Variants in IRAK2 observed in about 807,000 individuals in gnomAD.
The protein encoded by IRAK2 is interleukin 1 receptor associated kinase 2, also known as interleukin-1 receptor-associated kinase-like 2.
A neutral mutation model predicts 72.0 loss-of-function variants in IRAK2; 57 were observed. That is an observed-to-expected ratio of 0.79 (90% CI 0.64 to 0.99). The LOEUF (loss-of-function observed/expected upper bound fraction) is 0.99, where lower values mean the gene tolerates loss of function less well. IRAK2 is among the 50% of genes least tolerant of loss of function. IRAK2 has a pLI of 0.00. For synonymous variants in IRAK2, 293 were observed against 312.7 expected (o/e 0.94, Z 0.67); for missense variants, 790 against 794.4 (o/e 0.99, Z 0.07).
rs752661261 is a variant in IRAK2, at chr3:10,238,987, G to A, written c.1713G>A (p.Arg571=). 16 of 1,613,668 alleles carry A rather than the reference G, an allele frequency of 9.9e-6. No homozygotes were observed. The South Asian group carries it at 1.8e-4, about 18-fold the overall frequency. Reference sequence around the variant, plus strand: ...GAAGGCTGCGGGTCATCGTGGGAAGGGAGGCTGACTCCTCCTCTGAGGCCT... The same window carrying A: ...GAAGGCTGCGGGTCATCGTGGGAAGAGAGGCTGACTCCTCCTCTGAGGCCT... ...GEGRLRVIVG[R]EADSSSEACV... The change falls in exon 12 of 13, where the codon AGG becomes AGA. Residue 571 remains arginine (R), a synonymous_variant. Coordinates refer to ENST00000256458, the MANE Select transcript of IRAK2 (RefSeq NM_001570.4).
At chr3:10,170,242 C>T (rs1696774090) in intron 1 of IRAK2, among the ~76,000 whole-genome samples, 1 of 152,212 alleles carries the variant, frequency 6.6e-6, no homozygotes, top group African/African-American at 2.4e-5. Flanking sequence ...ACCATCACCT[C>T]ATCTCTGAAT....
intron 1 of IRAK2, among the ~76,000 whole-genome samples, chr3:10,173,744 G>A (rs902718140): frequency 9.2e-5 from 14 of 152,140 alleles, no homozygotes; most frequent in Non-Finnish European, 2.1e-4. Flanking sequence ...AGAATTGCTT[G>A]AACCTGGGAG....
chr3:10,226,442 A>T lies in IRAK2; in HGVS notation c.1272+9A>T, dbSNP rs773225225. 2.5e-6 allele frequency: 4 copies of T among 1,611,554 alleles called. No homozygotes were observed. In the East Asian group the frequency reaches 6.7e-5, roughly 27 times the overall value. ...GAAGCCCGGTTTACCTGGTAAGGGA[A>T]CTTGTCACATCTGGCTGGGAGGTAT... On this transcript the variant is annotated intron_variant, in intron 10 of 12. Transcript: ENST00000256458.
chr3:10,226,476 C>T, intron 10 of IRAK2, 43 bp downstream of exon 10: 1 of 1,530,048 alleles, frequency 6.5e-7, no homozygotes, highest in Non-Finnish European at 9.0e-7. Flanking sequence ...ATATTTGGGC[C>T]TCACAGCTCT....
chr3:10,187,933 C>T (rs948825814), intron 2 of IRAK2, among the ~76,000 whole-genome samples: 1 of 152,088 alleles, frequency 6.6e-6, no homozygotes, highest in Non-Finnish European at 1.5e-5. Context: ...GGCTAGGGTC[C>T]GCCATCACCC....
At chr3:10,217,163 G>A (rs1575980374) in intron 7 of IRAK2, 115 bp downstream of exon 7, 1 of 725,236 alleles carries the variant, frequency 1.4e-6, no homozygotes, top group East Asian at 2.5e-5. Context: ...GTGAGACCAG[G>A]GAGACTTCAA....
At chr3:10,228,995 G>A (rs942739807) in intron 10 of IRAK2, among the ~76,000 whole-genome samples, 3 of 151,294 alleles carry the variant, frequency 2.0e-5, no homozygotes, top group South Asian at 4.2e-4. Flanking sequence ...TGCAGTGGGC[G>A]TGATCTTGGC....
intron 10 of IRAK2, among the ~76,000 whole-genome samples, chr3:10,230,555 C>T (rs536473728): frequency 6.6e-6 from 1 of 152,028 alleles, no homozygotes; most frequent in Non-Finnish European, 1.5e-5. Flanking sequence ...ACATAATAAA[C>T]AATATATGTT....
At chr3:10,168,014 C>G (rs1696723409) in intron 1 of IRAK2, among the ~76,000 whole-genome samples, 1 of 152,068 alleles carries the variant, frequency 6.6e-6, no homozygotes, top group Non-Finnish European at 1.5e-5. Context: ...TCAGGCTGAT[C>G]TTGAACTCTG....
chr3:10,236,099 C>T (rs1475708865), intron 11 of IRAK2, among the ~76,000 whole-genome samples: 1 of 152,046 alleles, frequency 6.6e-6, no homozygotes, highest in African/African-American at 2.4e-5. Context: ...AGGACCCCAC[C>T]CTGTTGACCT....
At chr3:10,167,903 C>T (rs1310519977) in intron 1 of IRAK2, among the ~76,000 whole-genome samples, 3 of 152,186 alleles carry the variant, frequency 2.0e-5, no homozygotes, top group African/African-American at 7.2e-5. Context: ...TTCCTGGGCT[C>T]AAGCGATCTT....
intron 1 of IRAK2, among the ~76,000 whole-genome samples, chr3:10,173,863 T>G (rs1390181367): frequency 2.0e-5 from 3 of 152,098 alleles, no homozygotes; most frequent in Non-Finnish European, 4.4e-5. Context: ...TCTGGTTAAA[T>G]GCTGATTGGT....
Position 10,206,186 on chromosome 3 carries a change from G to A in IRAK2, c.425-3403G>A, listed in dbSNP as rs574884207. Among the ~76,000 whole-genome samples, 7 of 152,276 alleles carry A rather than the reference G, an allele frequency of 4.6e-5. No homozygotes were observed. In the East Asian group the frequency reaches 7.7e-4, roughly 17 times the overall value. ...GGTGGGCACTTGCTGGCCTGCCTTC[G>A]GTCTAAGGCAGACTCTCCAGGGTGT... On this transcript the variant is annotated intron_variant, in intron 3 of 12. Coordinates refer to ENST00000256458, the MANE Select transcript of IRAK2 (RefSeq NM_001570.4).
At chr3:10,204,908 A>G (rs1277128334) in intron 3 of IRAK2, among the ~76,000 whole-genome samples, 1 of 152,092 alleles carries the variant, frequency 6.6e-6, no homozygotes, top group Non-Finnish European at 1.5e-5. Flanking sequence ...GATTATGTAG[A>G]AGCCCCAAGC....
intron 2 of IRAK2, among the ~76,000 whole-genome samples, chr3:10,182,702 G>T (rs559245733): frequency 6.6e-6 from 1 of 151,600 alleles, no homozygotes; most frequent in African/African-American, 2.4e-5. Flanking sequence ...GAGCCACTGC[G>T]CCAGGCCCTT....
At chr3:10,176,082 T>C (rs1696871063) in intron 1 of IRAK2, among the ~76,000 whole-genome samples, 2 of 149,124 alleles carry the variant, frequency 1.3e-5, no homozygotes, top group Non-Finnish European at 3.0e-5. Context: ...TTTTTTTTTT[T>C]TTTTTTTGGT....
chr3:10,219,943 T>A (rs1697663488), intron 8 of IRAK2, among the ~76,000 whole-genome samples, 154 bp downstream of exon 8: 1 of 152,178 alleles, frequency 6.6e-6, no homozygotes, highest in Non-Finnish European at 1.5e-5. Flanking sequence ...GATGTCTTTT[T>A]CTCTGTTATG....
rs1056099320 is a variant in IRAK2 at position 10,222,663 on chromosome 3, C to T, written c.1041C>T (p.Leu347=). 3.7e-6 allele frequency: 6 copies of T among 1,614,020 alleles called. No individual in the cohort carries two copies. In the African/African-American group the frequency reaches 4.0e-5, roughly 11 times the overall value. The stretch of plus-strand genomic sequence containing the variant: ...CTAATGTCTTGCTGGACCAAAATCT[C>T]ACCCCCAAACTTGCTCACCCAATGG... ...KSSNVLLDQN[L]TPKLAHPMAH... The change falls in exon 9 of 13, where the codon CTC becomes CTT. Residue 347 remains leucine (L), a synonymous_variant. Coordinates refer to ENST00000256458, the MANE Select transcript of IRAK2 (RefSeq NM_001570.4).
At chr3:10,221,200 G>A (rs192201583) in intron 8 of IRAK2, among the ~76,000 whole-genome samples, 63 of 149,250 alleles carry the variant, frequency 4.2e-4, no homozygotes, top group African/African-American at 1.4e-3. Context: ...AGACCATCCT[G>A]GCTAACACGG....
Sources: gnomAD v4.1 joint callset for allele counts (sites outside exome capture counted in the v4.1 genomes callset) on GRCh38, gnomAD v4.1.1 for gene constraint, MANE v1.5 for transcripts, NCBI Gene and HGNC (gene_info 2026-07-23, HGNC 2026-07-21) for gene names.